Variants in ADARB2 observed in about 807,000 individuals in gnomAD.
ADARB2 encodes inactive double-stranded RNA-specific editase B2.
A neutral mutation model predicts 62.2 loss-of-function variants in ADARB2; 25 were observed. The ratio of observed to expected loss-of-function variants is 0.40; its 90% CI spans 0.29 to 0.56. The LOEUF (loss-of-function observed/expected upper bound fraction) is 0.56. Among genes scored for constraint, ADARB2 ranks in the 20% least tolerant of loss-of-function variants. The probability of loss-of-function intolerance (pLI) is 0.43; values close to 1 mark genes in which losing one functional copy is unlikely to be tolerated. For synonymous variants in ADARB2, 572 were observed against 500.8 expected, an observed-to-expected ratio of 1.14 and a Z score of -1.90; for missense variants, 1,071 against 1,077.4, an observed-to-expected ratio of 0.99 and a Z score of 0.08.
At chr10:1,300,500 T>C (rs1375947445) in intron 3 of ADARB2, among the ~76,000 whole-genome samples, 1 of 152,206 alleles carries the variant, frequency 6.6e-6, no homozygotes, top group Admixed American at 6.5e-5. Flanking sequence ...ATTCCCCCCA[T>C]GTGTGCTCCT....
At chr10:1,335,880 T>G (rs919264951) in intron 3 of ADARB2, among the ~76,000 whole-genome samples, 1 of 152,238 alleles carries the variant, frequency 6.6e-6, no homozygotes, top group Non-Finnish European at 1.5e-5. Context: ...ACAGACCCGC[T>G]GCAATCCCCG....
chr10:1,523,282 T>A (rs923022311), intron 1 of ADARB2, among the ~76,000 whole-genome samples: 49 of 152,226 alleles, frequency 3.2e-4, no homozygotes, highest in African/African-American at 1.2e-3. Flanking sequence ...GCAGTGGAAG[T>A]AATATTTTAT....
chr10:1,573,277 C>T (rs1052322074), intron 1 of ADARB2, among the ~76,000 whole-genome samples: 1 of 152,076 alleles, frequency 6.6e-6, no homozygotes, highest in African/African-American at 2.4e-5. Flanking sequence ...GGATGAGCCC[C>T]GGTGGGGCTG....
chr10:1,631,853 T>C (rs774520136), intron 1 of ADARB2, among the ~76,000 whole-genome samples: 1 of 152,232 alleles, frequency 6.6e-6, no homozygotes, highest in Non-Finnish European at 1.5e-5. Flanking sequence ...TGGAAATGTA[T>C]AGTGTCATAG....
At chr10:1,621,660 C>T (rs960990618) in intron 1 of ADARB2, among the ~76,000 whole-genome samples, 1 of 152,150 alleles carries the variant, frequency 6.6e-6, no homozygotes, top group African/African-American at 2.4e-5. Context: ...CAGTGAAATG[C>T]AAGACTTGTG....
At chr10:1,547,556 G>A (rs1832542239) in intron 1 of ADARB2, among the ~76,000 whole-genome samples, 1 of 118,246 alleles carries the variant, frequency 8.5e-6, no homozygotes, top group African/African-American at 3.3e-5. Flanking sequence ...CTGCACTGGT[G>A]TATACACTGT....
intron 1 of ADARB2, among the ~76,000 whole-genome samples, chr10:1,568,378 G>A (rs1035996620): frequency 3.9e-5 from 6 of 152,192 alleles, no homozygotes; most frequent in African/African-American, 9.7e-5. Context: ...GGGCCTCAGC[G>A]AACACACGGT....
chr10:1,453,255 C>G (rs965092193), intron 1 of ADARB2, among the ~76,000 whole-genome samples: 6 of 152,172 alleles, frequency 3.9e-5, no homozygotes, highest in Non-Finnish European at 7.3e-5. Context: ...CTTTGATGCT[C>G]AAGACATTTT....
At position 1,266,778 on chromosome 10, in the gene ADARB2, G is replaced by A. The variant is rs941174766; in HGVS notation, c.1192+4177C>T. ...TGGCCTGGAGGACACGGGCCAGGGC[G>A]TCTCCTCAGAGGAGTTGAGCAGAAG... On this transcript the variant is annotated intron_variant, in intron 4 of 9. Transcript: ENST00000381312. 1.3e-5 allele frequency among the ~76,000 whole-genome samples: 2 copies of A among 152,324 alleles called. 1 individual carries two copies. Among genetic ancestry groups the A allele is most frequent in the South Asian group, 4.1e-4 (2 of 4,822 alleles).
At chr10:1,357,819 C>T (rs993261133) in intron 3 of ADARB2, among the ~76,000 whole-genome samples, 3 of 152,212 alleles carry the variant, frequency 2.0e-5, no homozygotes, top group South Asian at 2.1e-4. Context: ...TGTAGACACA[C>T]GAGCCCCAGA....
At chr10:1,488,047 T>C (rs1831565600) in intron 1 of ADARB2, among the ~76,000 whole-genome samples, 1 of 152,232 alleles carries the variant, frequency 6.6e-6, no homozygotes, top group Admixed American at 6.5e-5. Flanking sequence ...GAAGGTCATC[T>C]ACATGTTTCT....
At chr10:1,366,617 A>G (rs1225763312) in intron 2 of ADARB2, among the ~76,000 whole-genome samples, 1 of 152,198 alleles carries the variant, frequency 6.6e-6, no homozygotes, top group African/African-American at 2.4e-5. Context: ...AGTTGGTCGC[A>G]GTGCAGTTCA....
chr10:1,304,554 C>G (rs1268795412), intron 3 of ADARB2, among the ~76,000 whole-genome samples: 2 of 152,180 alleles, frequency 1.3e-5, no homozygotes, highest in South Asian at 4.1e-4. Context: ...CTCTCCACCC[C>G]AAATCAACAG....
At chr10:1,397,410 G>C (rs374702769) in intron 1 of ADARB2, among the ~76,000 whole-genome samples, 1 of 9,754 alleles carries the variant, frequency 1.0e-4, no homozygotes, top group Non-Finnish European at 2.7e-4. Flanking sequence ...CTCCCGAGTG[G>C]AGGCTTCCTG....
At chr10:1,544,608 G>A (rs953695378) in intron 1 of ADARB2, among the ~76,000 whole-genome samples, 2 of 152,108 alleles carry the variant, frequency 1.3e-5, no homozygotes, top group African/African-American at 4.8e-5. Flanking sequence ...CTGGACAGGG[G>A]GTACAGGGGC....
At chr10:1,386,506 G>T (rs1832526398) in intron 1 of ADARB2, among the ~76,000 whole-genome samples, 1 of 151,916 alleles carries the variant, frequency 6.6e-6, no homozygotes, top group Non-Finnish European at 1.5e-5. Context: ...TTTTAAGAAA[G>T]ATGGAATGGC....
At chr10:1,468,140 AT>A (rs1362310986) in intron 1 of ADARB2, among the ~76,000 whole-genome samples, 2 of 152,248 alleles carry the variant, frequency 1.3e-5, no homozygotes, top group Non-Finnish European at 2.9e-5. Flanking sequence ...CCCTAAAATA[AT>A]ATTATTACTT....
At chr10:1,197,063 A>G (rs1836920945) in intron 8 of ADARB2, among the ~76,000 whole-genome samples, 1 of 152,274 alleles carries the variant, frequency 6.6e-6, no homozygotes, top group Admixed American at 6.5e-5. Flanking sequence ...AAACATTTGT[A>G]AAAATTTTGT....
intron 7 of ADARB2, among the ~76,000 whole-genome samples, chr10:1,202,587 C>T (rs11250328): frequency 0.017 from 2,627 of 152,260 alleles, 93 homozygotes; most frequent in African/African-American, 0.06. Context: ...TGGCCCTCCT[C>T]GGGACGTAAG....
Sources: allele counts gnomAD v4.1 joint callset (sites outside exome capture counted in the v4.1 genomes callset), GRCh38; gene constraint gnomAD v4.1.1; transcripts MANE v1.5; gene names NCBI Gene and HGNC (gene_info 2026-07-23, HGNC 2026-07-21).